Variants in DCLK1 observed in about 807,000 individuals in gnomAD.
The protein encoded by DCLK1 is serine/threonine-protein kinase DCLK1.
A neutral mutation model predicts 86.2 loss-of-function variants in DCLK1; 16 were observed. That is an observed-to-expected ratio of 0.19 (90% CI 0.13 to 0.28). The LOEUF (loss-of-function observed/expected upper bound fraction) is 0.28, where lower values mean the gene tolerates loss of function less well. Ranked by LOEUF, DCLK1 falls within the 10% of genes least tolerant of loss-of-function variation. The pLI is 1.00. For synonymous variants in DCLK1, 369 were observed against 370.5 expected (o/e 1.00, Z 0.05); for missense variants, 590 against 940.2 (o/e 0.63, Z 4.87).
Position 35,947,342 on chromosome 13 carries a change from C to A in DCLK1, c.823+16G>T, listed in dbSNP as rs770370995. On this transcript the variant is annotated intron_variant, in intron 4 of 16. Transcript: ENST00000360631. ...GCCTCAAATTTCCCCTGGTTTTGAA[C>A]TTTTTTTTTCCTTACCACTTTCATC... 4 of 1,552,864 alleles carry A rather than the reference C, an allele frequency of 2.6e-6. No individual in the cohort carries two copies. The highest frequency in any genetic ancestry group is 3.5e-6 in the Non-Finnish European group (4 of 1,132,686).
intron 3 of DCLK1, among the ~76,000 whole-genome samples, chr13:36,040,349 T>C (rs1354558122): frequency 3.7e-5 from 5 of 136,468 alleles, no homozygotes; most frequent in African/African-American, 1.3e-4. Flanking sequence ...CTCAGAGATT[T>C]GCAGGGTATT....
intron 10 of DCLK1, among the ~76,000 whole-genome samples, chr13:35,825,344 T>A (rs990942565): frequency 6.6e-6 from 1 of 152,124 alleles, no homozygotes; most frequent in Non-Finnish European, 1.5e-5. Flanking sequence ...AAGGGTATGG[T>A]CTTGCAGCAC....
chr13:36,093,021 AT>A (rs774361681), intron 3 of DCLK1, among the ~76,000 whole-genome samples: 11 of 152,244 alleles, frequency 7.2e-5, no homozygotes, highest in Non-Finnish European at 1.5e-4. Flanking sequence ...ATCACTGATA[AT>A]TAGGCCTTCC....
chr13:35,862,398 TC>T (rs1286679293), intron 5 of DCLK1, among the ~76,000 whole-genome samples: 8 of 152,176 alleles, frequency 5.3e-5, no homozygotes, highest in African/African-American at 1.7e-4. Context: ...CTTTGAGGTC[TC>T]CCCCAGCTCT....
At position 36,115,637 on chromosome 13, in the gene DCLK1, AAGATGCTGAAGC is replaced by A. The variant is rs577494692; in HGVS notation, c.377-3434_377-3423del. Among the ~76,000 whole-genome samples, 284 of 152,186 alleles carry A rather than the reference AAGATGCTGAAGC, an allele frequency of 1.9e-3. 1 individual carries two copies. The highest frequency in any genetic ancestry group is 3.2e-3 in the Non-Finnish European group (220 of 68,008). ...TGTCTAAGACACTCCAACAAATAGC[AAGATGCTGAAGC>A]AGCATCTGGCTGAATTTTGTTGTGG... On this transcript the variant is annotated intron_variant, in intron 2 of 16. Transcript: ENST00000360631.
chr13:35,771,203 T>C lies in DCLK1; in HGVS notation c.*3332A>G, dbSNP rs1353934426. ...TTTTTGTTTTCAACTGAAATATGCC[T>C]CAAAGGGTAAAGGATTGCAATTTTA... On this transcript the variant is annotated 3_prime_UTR_variant, in exon 17 of 17. Coordinates refer to ENST00000360631, the MANE Select transcript of DCLK1 (RefSeq NM_001330071.2). 6.6e-6 allele frequency: 1 copy of C among 152,172 alleles called. No individual in the cohort carries two copies. Among genetic ancestry groups the C allele is most frequent in the African/African-American group, 2.4e-5 (1 of 41,434 alleles). The allele number at this position is 152,172 out of a possible 1,614,324, so 9.4% of individuals were successfully genotyped here.
intron 5 of DCLK1, among the ~76,000 whole-genome samples, chr13:35,867,848 GAAGAAAGAAAGA>G (rs746034864): frequency 5.5e-5 from 7 of 126,150 alleles, no homozygotes; most frequent in Non-Finnish European, 1.0e-4. Flanking sequence ...CTTAAAGGGA[GAAGAAAGAAAGA>G]AAGAAAGAAA....
At chr13:35,812,962 G>A (rs991030059) in intron 11 of DCLK1, among the ~76,000 whole-genome samples, 10 of 152,218 alleles carry the variant, frequency 6.6e-5, no homozygotes, top group African/African-American at 2.4e-4. Flanking sequence ...CATCACAGCT[G>A]CAAAACACAA....
intron 11 of DCLK1, among the ~76,000 whole-genome samples, chr13:35,819,066 C>G (rs948998163): frequency 1.3e-5 from 2 of 152,106 alleles, no homozygotes; most frequent in Admixed American, 1.3e-4. Context: ...TTCACTCACT[C>G]ACTCCACTCA....
chr13:35,855,379 C>T (rs1870972737), intron 5 of DCLK1: 2 of 806,620 alleles, frequency 2.5e-6, no homozygotes, highest in East Asian at 5.4e-5. Flanking sequence ...CAGGTCACCT[C>T]TATTTTACCT....
chr13:36,087,953 G>A (rs1020203655), intron 3 of DCLK1, among the ~76,000 whole-genome samples: 3 of 152,198 alleles, frequency 2.0e-5, no homozygotes, highest in Non-Finnish European at 2.9e-5. Context: ...TAGCACTAGA[G>A]TGCCCATGAG....
intron 3 of DCLK1, among the ~76,000 whole-genome samples, chr13:36,013,949 G>T (rs915077717): frequency 1.3e-5 from 2 of 152,080 alleles, no homozygotes; most frequent in South Asian, 4.1e-4. Context: ...TTTTTAAGCC[G>T]GTCTGAAAAG....
intron 3 of DCLK1, among the ~76,000 whole-genome samples, chr13:35,989,758 C>A (rs566038212): frequency 6.8e-6 from 1 of 146,304 alleles, no homozygotes; most frequent in South Asian, 2.2e-4. Flanking sequence ...GATTATGTCA[C>A]CCAGGCTGGT....
At chr13:35,815,825 T>G (rs1370545863) in intron 11 of DCLK1, among the ~76,000 whole-genome samples, 1 of 152,026 alleles carries the variant, frequency 6.6e-6, no homozygotes, top group East Asian at 1.9e-4. Context: ...ATAAAAAAAT[T>G]TATACCTACA....
In DCLK1 at chr13:35,931,197, C is replaced by T. The variant is rs117111939; in HGVS notation, c.823+16161G>A. Among the ~76,000 whole-genome samples the T allele has an allele frequency of 3.4e-3, 511 of 152,154 alleles. 16 individuals are homozygous for T. Among genetic ancestry groups the T allele is most frequent in the Admixed American group, 0.028 (431 of 15,292 alleles). ...CTTTGGCTAGGCAGGCCTCTAGCAG[C>T]GTAACTCAGTTGGGAAAAACAAGGG... On this transcript the variant is annotated intron_variant, in intron 4 of 16. Coordinates refer to ENST00000360631, the MANE Select transcript of DCLK1 (RefSeq NM_001330071.2).
chr13:35,960,813 G>A (rs1182285515), intron 3 of DCLK1, among the ~76,000 whole-genome samples: 6 of 152,098 alleles, frequency 3.9e-5, no homozygotes, highest in Non-Finnish European at 7.4e-5. Context: ...TTATTTATTG[G>A]GTTTCTCACA....
chr13:36,072,604 C>A (rs1168424979), intron 3 of DCLK1, among the ~76,000 whole-genome samples: 3 of 152,210 alleles, frequency 2.0e-5, no homozygotes. Flanking sequence ...CTTATCACAT[C>A]TAAAACTGAG....
At chr13:36,079,372 A>C (rs1258205866) in intron 3 of DCLK1, among the ~76,000 whole-genome samples, 1 of 152,150 alleles carries the variant, frequency 6.6e-6, no homozygotes, top group African/African-American at 2.4e-5. Flanking sequence ...GCTCATGCCT[A>C]TAATCCCAAA....
chr13:36,066,301 C>T (rs1883749602), intron 3 of DCLK1, among the ~76,000 whole-genome samples: 1 of 152,148 alleles, frequency 6.6e-6, no homozygotes, highest in African/African-American at 2.4e-5. Flanking sequence ...TGGTCTGGAA[C>T]AGAACGGCCC....
Sources: gnomAD v4.1 joint callset for allele counts (sites outside exome capture counted in the v4.1 genomes callset) on GRCh38, gnomAD v4.1.1 for gene constraint, MANE v1.5 for transcripts, NCBI Gene and HGNC (gene_info 2026-07-23, HGNC 2026-07-21) for gene names.